The following PRDM16 variants were observed in gnomAD, a reference collection of about 807,000 sequenced individuals.
PRDM16 encodes histone-lysine N-methyltransferase PRDM16.
Under a neutral mutation model 110.6 loss-of-function variants are expected in PRDM16, and 23 were observed. That is an observed-to-expected ratio of 0.21 (90% CI 0.15 to 0.29). The LOEUF (loss-of-function observed/expected upper bound fraction) is 0.29, where lower values mean the gene tolerates loss of function less well. Among genes scored for constraint, PRDM16 ranks in the 10% least tolerant of loss-of-function variants. PRDM16 has a pLI of 1.00. For missense variants in PRDM16, 1,615 were observed against 1,794.3 expected (o/e 0.90, Z 1.81); for synonymous variants, 799 against 781.8 (o/e 1.02, Z -0.37).
chr1:3,289,329 G>A (rs1640922805), intron 3 of PRDM16, among the ~76,000 whole-genome samples: 1 of 152,230 alleles, frequency 6.6e-6, no homozygotes, highest in South Asian at 2.1e-4. Flanking sequence ...TCTGCAGGTG[G>A]GCAAGCTCTC....
intron 1 of PRDM16, among the ~76,000 whole-genome samples, chr1:3,126,357 C>T (rs1199211745): frequency 6.6e-6 from 1 of 152,212 alleles, no homozygotes; most frequent in Non-Finnish European, 1.5e-5. Context: ...TCTCCCATGC[C>T]CCCGGGGGCT....
chr1:3,426,831 C>A (rs534701447), intron 14 of PRDM16, among the ~76,000 whole-genome samples: 1 of 152,152 alleles, frequency 6.6e-6, no homozygotes, highest in Admixed American at 6.5e-5. Flanking sequence ...CAGGGCAGGA[C>A]GTGCCTGGGG....
chr1:3,246,265 A>G lies in PRDM16; in HGVS notation c.438+2128A>G, dbSNP rs1639788541. 6.6e-6 allele frequency among the ~76,000 whole-genome samples: 1 copy of G among 152,080 alleles called. No homozygotes were observed. The highest frequency in any genetic ancestry group is 6.5e-5 in the Admixed American group (1 of 15,272). Reference sequence around the variant, plus strand: ...GAGCGGCTCCCGGGGTGGGCATGAGATGCTGTCCAGCCAGGGGCCTACTTC... The same window carrying G: ...GAGCGGCTCCCGGGGTGGGCATGAGGTGCTGTCCAGCCAGGGGCCTACTTC... On this transcript the variant is annotated intron_variant, in intron 3 of 16. Transcript: ENST00000270722. The surrounding 1 kb of genome is among the most constrained non-coding windows in gnomAD (Gnocchi z 5.2).
At chr1:3,237,006 C>T (rs115768459) in intron 2 of PRDM16, among the ~76,000 whole-genome samples, 1,608 of 152,276 alleles carry the variant, frequency 0.011, 27 homozygotes, top group African/African-American at 0.036. Context: ...GGGCACAGGC[C>T]GGATGGAGCC....
chr1:3,240,056 A>AAGAGGAGAGGAGAGGAGAGG (rs70938079), intron 2 of PRDM16, among the ~76,000 whole-genome samples: 70 of 103,374 alleles, frequency 6.8e-4, no homozygotes, highest in South Asian at 2.4e-3. Context: ...AGGAGAGGAG[A>AAGAGGAGAGGAGAGGAGAGG]AGAGGAGAGG....
chr1:3,426,938 C>G lies in PRDM16; in HGVS notation c.3284+713C>G, dbSNP rs148170398. ...ACGGGCATGCACGTGCACTCATGCA[C>G]ACACGTGTACATAACATGTGCGTGC... On this transcript the variant is annotated intron_variant, in intron 14 of 16. Transcript: ENST00000270722. Among the ~76,000 whole-genome samples, 321 of 152,294 alleles carry G rather than the reference C, an allele frequency of 2.1e-3. 2 individuals carry two copies. The highest frequency in any genetic ancestry group is 7.4e-3 in the African/African-American group (309 of 41,562).
chr1:3,183,787 C>T (rs894492305), intron 1 of PRDM16, among the ~76,000 whole-genome samples: 4 of 152,212 alleles, frequency 2.6e-5, no homozygotes, highest in Non-Finnish European at 5.9e-5. Flanking sequence ...AACGGATATG[C>T]ACTTGATGCG....
intron 4 of PRDM16, among the ~76,000 whole-genome samples, chr1:3,393,502 C>G (rs1643330792): frequency 6.6e-6 from 1 of 152,164 alleles, no homozygotes; most frequent in Non-Finnish European, 1.5e-5. Flanking sequence ...TAATTTATGA[C>G]AAGCCCTGCA....
At chr1:3,369,515 G>T (rs935491537) in intron 3 of PRDM16, among the ~76,000 whole-genome samples, 4 of 152,210 alleles carry the variant, frequency 2.6e-5, no homozygotes, top group Admixed American at 6.5e-5. Context: ...TTCCACATCC[G>T]CTGGGCAGCT....
chr1:3,173,631 G>A (rs1034280391), intron 1 of PRDM16, among the ~76,000 whole-genome samples: 1 of 152,120 alleles, frequency 6.6e-6, no homozygotes, highest in East Asian at 1.9e-4. Context: ...GCGCAGCCAG[G>A]CCCACCCGCC....
chr1:3,246,483 C>T lies in PRDM16; in HGVS notation c.438+2346C>T, dbSNP rs1388796443. Among the ~76,000 whole-genome samples the T allele has an allele frequency of 1.3e-5, 2 of 152,160 alleles. No individual in the cohort carries two copies. The highest frequency in any genetic ancestry group is 1.9e-4 in the East Asian group (1 of 5,174). The stretch of plus-strand genomic sequence containing the variant: ...AGGGTACCAGAGCCAGCATCGGGGG[C>T]GTTGGTGGGCGGTCCTGTCCAAGCA... On this transcript the variant is annotated intron_variant, in intron 3 of 16. Coordinates refer to ENST00000270722, the MANE Select transcript of PRDM16 (RefSeq NM_022114.4). This position sits in a 1 kb window ranked among gnomAD's most constrained non-coding sequence, Gnocchi z 5.2.
chr1:3,272,431 C>T (rs113625153), intron 3 of PRDM16, among the ~76,000 whole-genome samples: 6 of 152,268 alleles, frequency 3.9e-5, no homozygotes, highest in Admixed American at 2.6e-4. Flanking sequence ...CACAGGCACG[C>T]GCTGGACTCT....
rs761381300 is a variant in PRDM16 at position 3,402,826 on chromosome 1, C to T, written c.712C>T (p.Leu238Phe). ...PTFRCDECDE[L>F]FQSKLDLRRH... ...GTTCCGCTGTGACGAGTGTGACGAACTCTTCCAGTCCAAGCTGGACCTGCG... is the reference window on the plus strand; with the variant it reads ...GTTCCGCTGTGACGAGTGTGACGAATTCTTCCAGTCCAAGCTGGACCTGCG... The change falls in exon 6 of 17, where the codon CTC (leucine) becomes TTC (phenylalanine). Residue 238 changes from leucine (L) to phenylalanine (F), a missense_variant. This residue lies in a region of PRDM16 where 416 missense variants were observed against 467.1 expected (regional missense o/e 0.89). Coordinates refer to ENST00000270722, the MANE Select transcript of PRDM16 (RefSeq NM_022114.4). The T allele has an allele frequency of 8.1e-6, 13 of 1,612,754 alleles. No individual in the cohort carries two copies. The highest frequency in any genetic ancestry group is 1.0e-5 in the Non-Finnish European group (12 of 1,179,778).
At chr1:3,144,151 C>T (rs1447012154) in intron 1 of PRDM16, among the ~76,000 whole-genome samples, 1 of 152,184 alleles carries the variant, frequency 6.6e-6, no homozygotes, top group African/African-American at 2.4e-5. Flanking sequence ...ATGGGAGGGA[C>T]AACTCGTGAC....
chr1:3,327,251 G>A (rs1641933861), intron 3 of PRDM16, among the ~76,000 whole-genome samples: 2 of 152,194 alleles, frequency 1.3e-5, no homozygotes, highest in South Asian at 4.1e-4. Context: ...AGGTGTGGCC[G>A]CCCCATGCAG....
intron 1 of PRDM16, among the ~76,000 whole-genome samples, chr1:3,180,956 A>G (rs949763085): frequency 1.1e-3 from 159 of 138,516 alleles, no homozygotes; most frequent in African/African-American, 3.9e-3. Context: ...TTACACACGC[A>G]GTCTTACACA....
chr1:3,272,682 G>A (rs866880414), intron 3 of PRDM16, among the ~76,000 whole-genome samples: 15 of 152,206 alleles, frequency 9.9e-5, no homozygotes, highest in African/African-American at 3.1e-4. Flanking sequence ...AGGAAGATTC[G>A]AAAGTTCCCT....
At chr1:3,409,208 C>T (rs761672153) in intron 8 of PRDM16, among the ~76,000 whole-genome samples, 9 of 149,942 alleles carry the variant, frequency 6.0e-5, no homozygotes, top group African/African-American at 1.5e-4. Context: ...AGTGTGGGCG[C>T]GTGAGTTGGT....
chr1:3,300,398 G>A lies in PRDM16; in HGVS notation c.438+56261G>A, dbSNP rs1441112505. Among the ~76,000 whole-genome samples the A allele has an allele frequency of 2.1e-4, 21 of 100,758 alleles. No homozygotes were observed. The East Asian group carries it at 6.7e-3, about 32-fold the overall frequency. 66.1% of individuals were successfully genotyped at this position (100,758 alleles called of 152,430 possible). ...TGGTTGAAGATGCTATGCTGTGGCT[G>A]TGATGTTTCAGATCCCAGTCGTGGT... On this transcript the variant is annotated intron_variant, in intron 3 of 16. Transcript: ENST00000270722.
Sources: gnomAD v4.1 joint callset for allele counts (sites outside exome capture counted in the v4.1 genomes callset) on GRCh38, gnomAD v4.1.1 for gene constraint, gnomAD v4.1.1 regional missense constraint, Gnocchi (gnomAD v3.1) non-coding constraint, MANE v1.5 for transcripts, NCBI Gene and HGNC (gene_info 2026-07-23, HGNC 2026-07-21) for gene names.